Variants in NPY2R observed in about 807,000 individuals in gnomAD.
The protein encoded by NPY2R is neuropeptide Y receptor Y2, also known as neuropeptide Y receptor type 2.
In NPY2R, 17 loss-of-function variants were observed where a neutral mutation model predicts 22.3. The observed-to-expected ratio is 0.76, with a 90% CI of 0.52 to 1.14. The LOEUF is 1.14. Ranked by LOEUF, NPY2R falls within the 50% of genes most tolerant of loss-of-function variation. The pLI is 0.00. For missense variants in NPY2R, 424 were observed against 467.9 expected (o/e 0.91, Z 0.87); for synonymous variants, 209 against 183.4 (o/e 1.14, Z -1.13).
Position 155,215,639 on chromosome 4 carries a change from C to T in NPY2R, c.*554C>T, listed in dbSNP as rs971040671. The T allele has an allele frequency of 2.8e-5, 5 of 176,036 alleles. No homozygotes were observed. The highest frequency in any genetic ancestry group is 3.4e-4 in the East Asian group (2 of 5,894). The allele number at this position is 176,036 out of a possible 1,614,324, so 10.9% of individuals were successfully genotyped here. A position where few individuals can be genotyped will look rare whatever the true frequency, so the allele number is the denominator to read the frequency against. ...CGATTGCCAACTATACGAATGGCTT[C>T]GAGGAGATAAACTGAAATTTGCTAT... On this transcript the variant is annotated 3_prime_UTR_variant, in exon 2 of 2. Coordinates refer to ENST00000329476, the MANE Select transcript of NPY2R (RefSeq NM_000910.4).
chr4:155,212,339 A>G (rs1040446334), intron 1 of NPY2R, among the ~76,000 whole-genome samples: 3 of 152,242 alleles, frequency 2.0e-5, no homozygotes, highest in Non-Finnish European at 4.4e-5. Context: ...TTAAAAAAAT[A>G]CATCGTAATT....
At chr4:155,202,223 G>A in the NPY2R span, among the ~76,000 whole-genome samples, 1 of 152,068 alleles carries the variant, frequency 6.6e-6, no homozygotes, top group Non-Finnish European at 1.5e-5. Context: ...GTTTACAAAG[G>A]GTTGGGGTAC....
chr4:155,187,503 C>T, the NPY2R span, among the ~76,000 whole-genome samples: 1 of 151,898 alleles, frequency 6.6e-6, no homozygotes, highest in Non-Finnish European at 1.5e-5. Context: ...AGATATAAAA[C>T]CTAGAGAAGT....
the NPY2R span, among the ~76,000 whole-genome samples, chr4:155,191,410 C>A: frequency 6.6e-6 from 1 of 151,920 alleles, no homozygotes; most frequent in Non-Finnish European, 1.5e-5. Flanking sequence ...AATCTTGGAA[C>A]TGTAGCCTAA....
the NPY2R span, among the ~76,000 whole-genome samples, chr4:155,191,781 C>T: frequency 1.3e-5 from 2 of 151,814 alleles, no homozygotes; most frequent in African/African-American, 2.4e-5. Context: ...AACATTGCAA[C>T]TTATTTTTCA....
chr4:155,203,015 A>G, the NPY2R span, among the ~76,000 whole-genome samples: 1 of 152,158 alleles, frequency 6.6e-6, no homozygotes, highest in Non-Finnish European at 1.5e-5. Flanking sequence ...AATCATTTGC[A>G]TTTAAATACC....
At chr4:155,212,330 T>TA (rs1235381220) in intron 1 of NPY2R, among the ~76,000 whole-genome samples, 1 of 152,010 alleles carries the variant, frequency 6.6e-6, no homozygotes, top group East Asian at 1.9e-4. Context: ...AAACTTATAT[T>TA]AAAAAAATAC....
rs1159139220 is a variant in NPY2R, at chr4:155,215,022, G to T, written c.1083G>T (p.Lys361Asn). The T allele has an allele frequency of 6.2e-7, 1 of 1,614,048 alleles. No individual in the cohort carries two copies. Among genetic ancestry groups the T allele is most frequent in the Non-Finnish European group, 8.5e-7 (1 of 1,180,026 alleles). The change falls in exon 2 of 2, where the codon AAG becomes AAT. Residue 361 changes from lysine (K) to asparagine (N), a missense_variant. Transcript: ENST00000329476. ...TGTCCGTGACATTCAAGGCTAAAAA[G>T]AACCTGGAGGTCAGAAAGAACAGTG... ...SEVSVTFKAK[K>N]NLEVRKNSGP...
chr4:155,175,452 T>C, the NPY2R span, among the ~76,000 whole-genome samples: 1 of 152,176 alleles, frequency 6.6e-6, no homozygotes, highest in Non-Finnish European at 1.5e-5. Flanking sequence ...TTCTGCTGTC[T>C]GGTCATGCTT....
the NPY2R span, among the ~76,000 whole-genome samples, chr4:155,174,646 C>T: frequency 6.6e-6 from 1 of 151,634 alleles, no homozygotes; most frequent in Non-Finnish European, 1.5e-5. Flanking sequence ...TATACATCCC[C>T]ATTCTGGGAA....
Position 155,216,722 on chromosome 4 carries a change from G to C in NPY2R, c.*1637G>C, listed in dbSNP as rs1421231950. The C allele has an allele frequency of 6.0e-6, 1 of 167,012 alleles. No homozygotes were observed. The highest frequency in any genetic ancestry group is 1.5e-5 in the Non-Finnish European group (1 of 68,082). 10.3% of individuals were successfully genotyped at this position (167,012 alleles called of 1,614,324 possible). On this transcript the variant is annotated 3_prime_UTR_variant, in exon 2 of 2. Coordinates refer to ENST00000329476, the MANE Select transcript of NPY2R (RefSeq NM_000910.4). ...AAACAATATGTTAGATTAGGTGTAA[G>C]ACTTTAAGAAGCGAACAAAAAGTAA...
upstream of NPY2R, among the ~76,000 whole-genome samples, chr4:155,204,711 C>A (rs1301159482): frequency 6.6e-6 from 1 of 151,904 alleles, no homozygotes; most frequent in Non-Finnish European, 1.5e-5. Context: ...TATTTTTAAG[C>A]TTAAAAGTTG....
Position 155,216,354 on chromosome 4 carries a change from ATTG to A in NPY2R, c.*1272_*1274del. 1 of 166,770 alleles carries A rather than the reference ATTG, an allele frequency of 6.0e-6. No individual in the cohort carries two copies. Among genetic ancestry groups the A allele is most frequent in the Non-Finnish European group, 1.5e-5 (1 of 68,036 alleles). The allele number at this position is 166,770 out of a possible 1,614,324, so 10.3% of individuals were successfully genotyped here. On this transcript the variant is annotated 3_prime_UTR_variant, in exon 2 of 2. Coordinates refer to ENST00000329476, the MANE Select transcript of NPY2R (RefSeq NM_000910.4). ...TTTATTTAATTATATTATGAATAAA[ATTG>A]TTATTTCAATAGTACCCAACCAAAG... is the stretch of plus-strand genomic sequence containing the variant.
At chr4:155,210,177 T>C (rs1253419308) in intron 1 of NPY2R, among the ~76,000 whole-genome samples, 2 of 152,212 alleles carry the variant, frequency 1.3e-5, no homozygotes, top group Non-Finnish European at 2.9e-5. Context: ...GTGTACCATT[T>C]TCCTTTCCCA....
chr4:155,209,820 G>A (rs1487789020), intron 1 of NPY2R, among the ~76,000 whole-genome samples: 1 of 151,966 alleles, frequency 6.6e-6, no homozygotes, highest in East Asian at 1.9e-4. Context: ...AGATGTGTAG[G>A]TTTACTAAGG....
chr4:155,178,945 A>G, the NPY2R span, among the ~76,000 whole-genome samples: 3 of 152,264 alleles, frequency 2.0e-5, no homozygotes, highest in East Asian at 5.8e-4. Context: ...GTGTATAATT[A>G]GTGCTTTTTT....
chr4:155,190,891 G>A, the NPY2R span, among the ~76,000 whole-genome samples: 1 of 151,854 alleles, frequency 6.6e-6, no homozygotes, highest in Non-Finnish European at 1.5e-5. Flanking sequence ...TACACAAAAA[G>A]CATTTAAATA....
upstream of NPY2R, chr4:155,206,872 T>C (rs1293667017): frequency 6.6e-6 from 1 of 152,240 alleles, no homozygotes; most frequent in Non-Finnish European, 1.5e-5. Context: ...TTATAACTTA[T>C]TGGTATATGG....
chr4:155,185,791 T>C, the NPY2R span, among the ~76,000 whole-genome samples: 1 of 152,168 alleles, frequency 6.6e-6, no homozygotes, highest in Non-Finnish European at 1.5e-5. Flanking sequence ...GAATAATAAC[T>C]GCCTATCTAT....
Sources: gnomAD v4.1 joint callset for allele counts (sites outside exome capture counted in the v4.1 genomes callset) on GRCh38, gnomAD v4.1.1 for gene constraint, MANE v1.5 for transcripts, NCBI Gene and HGNC (gene_info 2026-07-23, HGNC 2026-07-21) for gene names.